PCDHGB6: variants seen among roughly 807,000 people sequenced by gnomAD.
PCDHGB6 encodes the protein protocadherin gamma subfamily B, 6.
Under a neutral mutation model 59.1 loss-of-function variants are expected in PCDHGB6, and 51 were observed. That is an observed-to-expected ratio of 0.86 (90% CI 0.69 to 1.09). The LOEUF (loss-of-function observed/expected upper bound fraction) is 1.09. PCDHGB6 is among the 50% of genes least tolerant of loss of function. PCDHGB6 has a pLI of 0.00. For missense variants in PCDHGB6, 1,148 were observed against 1,205.1 expected (o/e 0.95, Z 0.70); for synonymous variants, 466 against 495.1 (o/e 0.94, Z 0.78).
In PCDHGB6 at chr5:141,491,848, C is replaced by A; in HGVS notation, c.2419-2959C>A. 1 of 1,461,478 alleles carries A rather than the reference C, an allele frequency of 6.8e-7. No homozygotes were observed. Among genetic ancestry groups the A allele is most frequent in the Non-Finnish European group, 9.1e-7 (1 of 1,104,578 alleles). The allele number at this position is 1,461,478 out of a possible 1,614,324, so 90.5% of individuals were successfully genotyped here. A position where few individuals can be genotyped will look rare whatever the true frequency, so the allele number is the denominator to read the frequency against. On this transcript the variant is annotated intron_variant, in intron 1 of 3. Transcript: ENST00000520790. This position sits in a 1 kb window ranked among gnomAD's most constrained non-coding sequence, Gnocchi z 6.9. ...CACCCGATTCTCGGGATCATTGGAC[C>A]GTTTGCGCGAAACCAGAGTGGCCGA...
chr5:141,408,803 G>T lies in PCDHGB6; in HGVS notation c.601G>T (p.Asp201Tyr). 6.2e-7 allele frequency: 1 copy of T among 1,613,150 alleles called. No individual in the cohort carries two copies. The highest frequency in any genetic ancestry group is 1.1e-5 in the South Asian group (1 of 90,934). Residue 201 changes from aspartate to tyrosine, a missense_variant, in exon 1 of 4, where the codon GAC (aspartate) becomes TAC (tyrosine). Physicochemically the swap from Asp to Tyr is radical, Grantham distance 160 (BLOSUM62 -3). This residue lies in a region of PCDHGB6 where 307 missense variants were observed against 323.8 expected (regional missense o/e 0.95). Transcript: ENST00000520790. ...YPELSLEKLLDREEQRSHSLI... is the reference protein window; with the variant it reads ...YPELSLEKLLYREEQRSHSLI... ...AGAGTTATCTCTGGAGAAACTCCTAGACCGGGAAGAACAGAGATCTCATAG... is the reference window on the plus strand; with the variant it reads ...AGAGTTATCTCTGGAGAAACTCCTATACCGGGAAGAACAGAGATCTCATAG...
In PCDHGB6 at chr5:141,511,284, G is replaced by A; in HGVS notation, c.*111G>A. Reference sequence around the variant, plus strand: ...AGGGCTAACCCCCAGAATACTGGTAGGGGCCAAGGCCATGCTCCCCTTGGG... The same window carrying A: ...AGGGCTAACCCCCAGAATACTGGTAAGGGCCAAGGCCATGCTCCCCTTGGG... On this transcript the variant is annotated 3_prime_UTR_variant, in exon 4 of 4. Coordinates refer to ENST00000520790, the MANE Select transcript of PCDHGB6 (RefSeq NM_018926.3). 6.5e-7 allele frequency: 1 copy of A among 1,528,376 alleles called. No individual in the cohort carries two copies. The highest frequency in any genetic ancestry group is 1.4e-5 in the African/African-American group (1 of 72,796). The allele number at this position is 1,528,376 out of a possible 1,614,324, so 94.7% of individuals were successfully genotyped here.
intron 1 of PCDHGB6, among the ~76,000 whole-genome samples, chr5:141,470,212 C>A (rs756256854): frequency 2.0e-5 from 3 of 152,116 alleles, no homozygotes; most frequent in Non-Finnish European, 4.4e-5. Context: ...AAGGCTAAAC[C>A]ATTCAGCTTC....
At chr5:141,510,589 A>G (rs1043188276) in intron 3 of PCDHGB6, among the ~76,000 whole-genome samples, 2 of 152,194 alleles carry the variant, frequency 1.3e-5, no homozygotes, top group African/African-American at 2.4e-5. Context: ...CGTACCTGAC[A>G]TACATTTTCT....
chr5:141,499,635 A>C (rs578081078), intron 2 of PCDHGB6, among the ~76,000 whole-genome samples: 16 of 152,136 alleles, frequency 1.1e-4, no homozygotes, highest in African/African-American at 3.6e-4. Context: ...CTTTTGAAGC[A>C]AATCTCAGAC....
rs370299433 is a variant in PCDHGB6 at position 141,476,360 on chromosome 5, G to A, written c.2419-18447G>A. 5.3e-5 allele frequency: 86 copies of A among 1,614,186 alleles called. No homozygotes were observed. The highest frequency in any genetic ancestry group is 6.7e-5 in the Non-Finnish European group (79 of 1,180,042). ...CCGAAGATTCTTTGAGGTGAACCGG[G>A]AGACCGGAGAGATGTTTGTGAACGA... On this transcript the variant is annotated intron_variant, in intron 1 of 3. Transcript: ENST00000520790. This position sits in a 1 kb window ranked among gnomAD's most constrained non-coding sequence, Gnocchi z 7.6.
At chr5:141,472,455 G>A (rs191633108) in intron 1 of PCDHGB6, among the ~76,000 whole-genome samples, 2 of 151,972 alleles carry the variant, frequency 1.3e-5, no homozygotes, top group South Asian at 2.1e-4. Context: ...CAGGAGAATC[G>A]CTTGAACCCA....
rs775299266 is a variant in PCDHGB6, at chr5:141,432,192, AC to A, written c.2418+21576del. On this transcript the variant is annotated intron_variant, in intron 1 of 3. Transcript: ENST00000520790. The surrounding 1 kb of genome is among the most constrained non-coding windows in gnomAD (Gnocchi z 6.0). ...TCCCTCGTCTCTGTGACCGCCCACG[AC>A]CCCGACTGTGAAGAGAACGCCCAGA... 5 of 1,613,812 alleles carry A rather than the reference AC, an allele frequency of 3.1e-6. No individual in the cohort carries two copies. Among genetic ancestry groups the A allele is most frequent in the Non-Finnish European group, 4.2e-6 (5 of 1,179,996 alleles).
intron 1 of PCDHGB6, among the ~76,000 whole-genome samples, chr5:141,438,613 TATATATATATATATATATATATACAC>T (rs1192023297): frequency 0.026 from 946 of 36,486 alleles, 27 homozygotes; most frequent in African/African-American, 0.12. Flanking sequence ...TATATATATA[TATATATATATATATATATATATACAC>T]ACACACACAC....
At chr5:141,509,081 A>G (rs1279221589) in intron 3 of PCDHGB6, among the ~76,000 whole-genome samples, 1 of 152,160 alleles carries the variant, frequency 6.6e-6, no homozygotes, top group African/African-American at 2.4e-5. Flanking sequence ...GATTTGCGAC[A>G]TGAAATGGGG....
Position 141,431,706 on chromosome 5 carries a change from A to T in PCDHGB6, c.2418+21086A>T. The T allele has an allele frequency of 6.2e-7, 1 of 1,614,248 alleles. No homozygotes were observed. The highest frequency in any genetic ancestry group is 8.5e-7 in the Non-Finnish European group (1 of 1,180,048). On this transcript the variant is annotated intron_variant, in intron 1 of 3. Coordinates refer to ENST00000520790, the MANE Select transcript of PCDHGB6 (RefSeq NM_018926.3). The surrounding 1 kb of genome is among the most constrained non-coding windows in gnomAD (Gnocchi z 4.8). ...GACCACGAGGAGTCAGGATTCTACC[A>T]GATGGAAGTGCAAGCAATGGATAAT...
chr5:141,478,424 G>A, intron 1 of PCDHGB6: 2 of 1,613,686 alleles, frequency 1.2e-6, no homozygotes, highest in African/African-American at 1.3e-5. Context: ...CCGCCGCAGC[G>A]ACCCGCTGCT....
At chr5:141,500,877 A>ATT (rs369345007) in intron 2 of PCDHGB6, among the ~76,000 whole-genome samples, 3 of 122,284 alleles carry the variant, frequency 2.5e-5, no homozygotes, top group Admixed American at 2.4e-4. Flanking sequence ...TTCATTTACA[A>ATT]TTTTTTTTTT....
At chr5:141,441,246 C>G (rs2098234855) in intron 1 of PCDHGB6, 1 of 152,136 alleles carries the variant, frequency 6.6e-6, no homozygotes, top group Non-Finnish European at 1.5e-5. Flanking sequence ...ATCACAAGAT[C>G]TTTAAATCAC....
intron 1 of PCDHGB6, among the ~76,000 whole-genome samples, chr5:141,425,696 A>G (rs1033976807): frequency 1.3e-4 from 20 of 152,242 alleles, no homozygotes; most frequent in African/African-American, 4.3e-4. Context: ...ATCATTTCAT[A>G]GTGGTCAAAA....
chr5:141,453,364 G>A (rs921978865), intron 1 of PCDHGB6, among the ~76,000 whole-genome samples: 4 of 151,814 alleles, frequency 2.6e-5, no homozygotes, highest in African/African-American at 9.7e-5. Flanking sequence ...GAACTCCTGG[G>A]GTCAAGTGAT....
At chr5:141,418,817 G>A (rs2154547923) in intron 1 of PCDHGB6, 1 of 1,613,882 alleles carries the variant, frequency 6.2e-7, no homozygotes, top group Non-Finnish European at 8.5e-7. Flanking sequence ...GATAAACATA[G>A]AAGCAAAAGA....
At chr5:141,456,175 A>G (rs2154565434) in intron 1 of PCDHGB6, among the ~76,000 whole-genome samples, 1 of 151,840 alleles carries the variant, frequency 6.6e-6, no homozygotes, top group East Asian at 1.9e-4. Context: ...GGGATTACAG[A>G]ATAATTTCTT....
chr5:141,497,730 G>T (rs13182286), intron 2 of PCDHGB6, among the ~76,000 whole-genome samples: 247 of 152,136 alleles, frequency 1.6e-3, no homozygotes, highest in Non-Finnish European at 2.8e-3. Flanking sequence ...AGTAGAGATG[G>T]GTTTCGCCAC....
Sources: allele counts gnomAD v4.1 joint callset (sites outside exome capture counted in the v4.1 genomes callset), GRCh38; gene constraint gnomAD v4.1.1; regional missense constraint gnomAD v4.1.1; non-coding constraint Gnocchi (gnomAD v3.1); transcripts MANE v1.5; gene names NCBI Gene and HGNC (gene_info 2026-07-23, HGNC 2026-07-21).